UBR2: variants seen among roughly 807,000 people sequenced by gnomAD.
UBR2 encodes the protein E3 ubiquitin-protein ligase UBR2.
Under a neutral mutation model 247.9 loss-of-function variants are expected in UBR2, and 92 were observed. The ratio of observed to expected loss-of-function variants is 0.37; its 90% CI spans 0.31 to 0.44. The LOEUF (loss-of-function observed/expected upper bound fraction) is 0.44, where lower values mean the gene tolerates loss of function less well. Ranked by LOEUF, UBR2 falls within the 20% of genes least tolerant of loss-of-function variation. The pLI, the probability that UBR2 is intolerant of heterozygous loss-of-function variation, is 1.00. For synonymous variants in UBR2, 672 were observed against 693.5 expected, an observed-to-expected ratio of 0.97 and a Z score of 0.49; for missense variants, 1,613 against 2,112.6, an observed-to-expected ratio of 0.76 and a Z score of 4.64.
chr6:42,588,347 G>T (rs1482584248), intron 2 of UBR2, among the ~76,000 whole-genome samples: 1 of 152,204 alleles, frequency 6.6e-6, no homozygotes, highest in African/African-American at 2.4e-5. Context: ...TGAAGTTCCA[G>T]CAACTTGGAA....
rs757561659 is a variant in UBR2 at position 42,652,507 on chromosome 6, G to A, written c.2631G>A (p.Val877=). 15 of 1,607,478 alleles carry A rather than the reference G, an allele frequency of 9.3e-6. No homozygotes were observed. Among genetic ancestry groups the A allele is most frequent in the South Asian group, 1.1e-5 (1 of 89,088 alleles). ...NREDTALPPP[V]LPPFCPLFAS... ...TATTTTCAGCACTCCCACCTCCGGT[G>A]TTGCCTCCATTCTGCCCTCTGTTTG... The change falls in exon 25 of 47, where the codon GTG becomes GTA. Residue 877 remains valine (V), a synonymous_variant. Transcript: ENST00000372901.
At chr6:42,577,715 C>T (rs1413046033) in intron 2 of UBR2, among the ~76,000 whole-genome samples, 1 of 151,786 alleles carries the variant, frequency 6.6e-6, no homozygotes. Flanking sequence ...AGGTTTCATC[C>T]CCCTGTTTTT....
chr6:42,597,246 C>T (rs2151921701), intron 4 of UBR2, among the ~76,000 whole-genome samples: 2 of 152,182 alleles, frequency 1.3e-5, no homozygotes, highest in Admixed American at 6.5e-5. Context: ...AATGTATACT[C>T]CTGGAACTAG....
rs1434303713 is a variant in UBR2, at chr6:42,615,077, T to G, written c.992T>G (p.Leu331Arg). 2 of 1,612,968 alleles carry G rather than the reference T, an allele frequency of 1.2e-6. No homozygotes were observed. Among genetic ancestry groups the G allele is most frequent in the East Asian group, 4.5e-5 (2 of 44,814 alleles). ...CCTTTCCTTCTATTTAAAGATGGCC[T>G]TCGCCGGATTTTATGTCAAGTTGGT... Reference protein sequence around the residue: ...LGSIIGYSDGLRRILCQVGLQ... With the variant: ...LGSIIGYSDGRRRILCQVGLQ... Residue 331 changes from leucine to arginine, a missense_variant, in exon 9 of 47, where the codon CTT (leucine) becomes CGT (arginine). Leu to Arg is a moderately radical substitution (Grantham distance 102). Transcript: ENST00000372901.
At chr6:42,569,732 A>T (rs1020853961) in intron 1 of UBR2, among the ~76,000 whole-genome samples, 4 of 152,242 alleles carry the variant, frequency 2.6e-5, no homozygotes, top group African/African-American at 9.6e-5. Context: ...CTGTAATAAA[A>T]GGCTAACTAA....
At chr6:42,570,673 GT>G (rs544330373) in intron 1 of UBR2, among the ~76,000 whole-genome samples, 6 of 148,812 alleles carry the variant, frequency 4.0e-5, no homozygotes, top group African/African-American at 4.9e-5. Context: ...AAAGTGGCTA[GT>G]TTTTTTTTTG....
intron 36 of UBR2, among the ~76,000 whole-genome samples, chr6:42,672,593 C>T (rs1798510606): frequency 6.6e-6 from 1 of 152,020 alleles, no homozygotes; most frequent in South Asian, 2.1e-4. Flanking sequence ...CAGTTCCCAC[C>T]CCTGTGGTCC....
At chr6:42,658,856 TGAC>T in intron 29 of UBR2, 32 bp downstream of exon 29, 1 of 1,498,234 alleles carries the variant, frequency 6.7e-7, no homozygotes, top group African/African-American at 1.4e-5. Context: ...ATTAATGTCT[TGAC>T]GAGTTTTTCC....
intron 2 of UBR2, among the ~76,000 whole-genome samples, chr6:42,590,063 G>A (rs940759945): frequency 6.6e-6 from 1 of 151,954 alleles, no homozygotes; most frequent in Admixed American, 6.6e-5. Flanking sequence ...GTTCCATTCC[G>A]AAGACTCCAG....
At chr6:42,585,393 C>A (rs1421749412) in intron 2 of UBR2, among the ~76,000 whole-genome samples, 2 of 152,114 alleles carry the variant, frequency 1.3e-5, no homozygotes, top group Non-Finnish European at 2.9e-5. Flanking sequence ...ACCCATCTGG[C>A]ATTCTCTTGT....
At chr6:42,638,996 C>T (rs1410793125) in intron 15 of UBR2, among the ~76,000 whole-genome samples, 1 of 152,154 alleles carries the variant, frequency 6.6e-6, no homozygotes, top group Non-Finnish European at 1.5e-5. Flanking sequence ...GTATTCATTT[C>T]ATGGTATTTC....
chr6:42,615,982 C>T lies in UBR2; in HGVS notation c.1094-20C>T. 1.3e-6 allele frequency: 2 copies of T among 1,540,674 alleles called. No homozygotes were observed. The highest frequency in any genetic ancestry group is 1.4e-5 in the African/African-American group (1 of 71,874). On this transcript the variant is annotated intron_variant, in intron 9 of 46. Coordinates refer to ENST00000372901, the MANE Select transcript of UBR2 (RefSeq NM_001363705.2). ...TTGTTGGGCGTGTCCTTATCTTATA[C>T]CGTGATCTTTTTCTACAAGGTGCTA...
chr6:42,662,302 C>G, intron 31 of UBR2, 25 bp downstream of exon 31: 2 of 1,439,814 alleles, frequency 1.4e-6, no homozygotes, highest in South Asian at 2.6e-5. Context: ...TAATATTTGT[C>G]AAGAGAAGTT....
chr6:42,659,971 C>A lies in UBR2; in HGVS notation c.3442+116C>A. Reference sequence around the variant, plus strand: ...ATAACTCCATGGACTTGGATGGTATCTTTGGCAGGTAACTTAGGCAGGAAT... The same window carrying A: ...ATAACTCCATGGACTTGGATGGTATATTTGGCAGGTAACTTAGGCAGGAAT... On this transcript the variant is annotated intron_variant, in intron 30 of 46. Transcript: ENST00000372901. This position sits in a 1 kb window ranked among gnomAD's most constrained non-coding sequence, Gnocchi z 4.3. 9.9e-7 allele frequency: 1 copy of A among 1,014,754 alleles called. No homozygotes were observed. 62.9% of individuals were successfully genotyped at this position (1,014,754 alleles called of 1,614,324 possible).
rs1277268053 is a variant in UBR2, at chr6:42,619,434, TATATATATATATATA to T, written c.1281+1928_1281+1942del. On this transcript the variant is annotated intron_variant, in intron 11 of 46. Transcript: ENST00000372901. ...GAACATATATATATATATATATATA[TATATATATATATATA>T]TATATTTTTTTTTTTTAGTTCTCTA... The T allele has an allele frequency of 5.2e-4, 12 of 23,208 alleles. 1 individual carries two copies. Among genetic ancestry groups the T allele is most frequent in the Non-Finnish European group, 9.1e-4 (11 of 12,056 alleles). 1.4% of individuals were successfully genotyped at this position (23,208 alleles called of 1,614,324 possible). A position where few individuals can be genotyped will look rare whatever the true frequency, so the allele number is the denominator to read the frequency against.
chr6:42,685,674 G>C (rs928899928), intron 44 of UBR2, among the ~76,000 whole-genome samples: 1 of 151,632 alleles, frequency 6.6e-6, no homozygotes, highest in Non-Finnish European at 1.5e-5. Flanking sequence ...CTCCCAAAGT[G>C]CTGGGATTAC....
chr6:42,690,085 A>G (rs1255245736), intron 46 of UBR2, among the ~76,000 whole-genome samples: 7 of 152,220 alleles, frequency 4.6e-5, no homozygotes, highest in Admixed American at 4.6e-4. Flanking sequence ...AAGATTTAAA[A>G]CATAAAGAAC....
chr6:42,667,278 A>G (rs546303588), intron 34 of UBR2, among the ~76,000 whole-genome samples: 4 of 151,808 alleles, frequency 2.6e-5, no homozygotes, highest in East Asian at 1.9e-4. Flanking sequence ...AGAGGTTGCA[A>G]TGAGCCAAGA....
At chr6:42,627,927 G>C (rs760892246) in intron 11 of UBR2, among the ~76,000 whole-genome samples, 1 of 152,160 alleles carries the variant, frequency 6.6e-6, no homozygotes, top group South Asian at 2.1e-4. Flanking sequence ...GAGATTAAAG[G>C]CAAGATGAAG....
Sources: allele counts gnomAD v4.1 joint callset (sites outside exome capture counted in the v4.1 genomes callset), GRCh38; gene constraint gnomAD v4.1.1; non-coding constraint Gnocchi (gnomAD v3.1); transcripts MANE v1.5; gene names NCBI Gene and HGNC (gene_info 2026-07-23, HGNC 2026-07-21).